The following CADM2 variants were observed in gnomAD, a reference collection of about 807,000 sequenced individuals.
CADM2 encodes the protein cell adhesion molecule 2, also known as immunoglobulin superfamily member 4D.
Under a neutral mutation model 49.8 loss-of-function variants are expected in CADM2, and 12 were observed. The observed-to-expected ratio is 0.24, with a 90% CI of 0.15 to 0.39. The LOEUF (loss-of-function observed/expected upper bound fraction) is 0.39, where lower values mean the gene tolerates loss of function less well. Among genes scored for constraint, CADM2 ranks in the 10% least tolerant of loss-of-function variants. The pLI, the probability that CADM2 is intolerant of heterozygous loss-of-function variation, is 1.00. For synonymous variants in CADM2, 214 were observed against 175.4 expected (o/e 1.22, Z -1.74); for missense variants, 378 against 492.3 (o/e 0.77, Z 2.20).
chr3:85,268,660 T>C (rs959345334), intron 1 of CADM2, among the ~76,000 whole-genome samples: 1 of 151,138 alleles, frequency 6.6e-6, no homozygotes, highest in African/African-American at 2.4e-5. Context: ...TTCAAAAAAA[T>C]GTAAGCAATT....
chr3:85,581,649 C>T (rs2062801816), intron 1 of CADM2, among the ~76,000 whole-genome samples: 1 of 151,904 alleles, frequency 6.6e-6, no homozygotes, highest in South Asian at 2.1e-4. Context: ...CACTTGAGAG[C>T]TTGCCCAATA....
chr3:85,509,738 A>C (rs2040525672), intron 1 of CADM2, among the ~76,000 whole-genome samples: 1 of 152,110 alleles, frequency 6.6e-6, no homozygotes, highest in African/African-American at 2.4e-5. Context: ...ACCGCTATAT[A>C]AATAGGTTTC....
At chr3:85,990,013 C>CAAAAAA (rs58178176) in intron 8 of CADM2, among the ~76,000 whole-genome samples, 97 of 9,644 alleles carry the variant, frequency 0.01, 4 homozygotes, top group African/African-American at 0.016. Flanking sequence ...ACTCCATGTC[C>CAAAAAA]AAAAAAAAAA....
At chr3:85,867,110 A>G (rs905008001) in intron 3 of CADM2, among the ~76,000 whole-genome samples, 2 of 152,182 alleles carry the variant, frequency 1.3e-5, no homozygotes, top group Non-Finnish European at 2.9e-5. Flanking sequence ...TTAGAAAGTT[A>G]GAGAAGTAAA....
intron 8 of CADM2, among the ~76,000 whole-genome samples, chr3:85,982,873 A>T (rs1044691722): frequency 1.3e-5 from 2 of 151,710 alleles, no homozygotes; most frequent in African/African-American, 4.8e-5. Context: ...AACTTGCAGC[A>T]TTTCTTTTTG....
At chr3:85,488,020 C>T (rs1284556718) in intron 1 of CADM2, among the ~76,000 whole-genome samples, 1 of 151,960 alleles carries the variant, frequency 6.6e-6, no homozygotes, top group Admixed American at 6.6e-5. Flanking sequence ...AAAGATATTA[C>T]CCAGAATATC....
intron 3 of CADM2, among the ~76,000 whole-genome samples, chr3:85,878,018 A>G (rs11127909): frequency 0.069 from 10,418 of 152,070 alleles, 663 homozygotes; most frequent in African/African-American, 0.16. Flanking sequence ...ATGACATCAT[A>G]AGTGTTTGTG....
At chr3:85,562,473 C>T in intron 1 of CADM2, among the ~76,000 whole-genome samples, 1 of 79,914 alleles carries the variant, frequency 1.3e-5, no homozygotes, top group Admixed American at 1.7e-4. Flanking sequence ...AGAGAAACTC[C>T]ATCTCAAAAA....
intron 1 of CADM2, among the ~76,000 whole-genome samples, chr3:85,492,774 C>A (rs2039728902): frequency 9.1e-6 from 1 of 109,490 alleles, no homozygotes; most frequent in Non-Finnish European, 2.1e-5. Flanking sequence ...AATGTATCTA[C>A]ATGTTAACAC....
chr3:85,807,494 C>T (rs1360082639), intron 3 of CADM2, among the ~76,000 whole-genome samples: 2 of 111,798 alleles, frequency 1.8e-5, no homozygotes, highest in African/African-American at 4.6e-5. Context: ...AGTGAAACTC[C>T]GTCTCAAAAA....
chr3:85,815,957 T>A (rs2073177686), intron 3 of CADM2, among the ~76,000 whole-genome samples: 1 of 152,160 alleles, frequency 6.6e-6, no homozygotes, highest in Admixed American at 6.6e-5. Flanking sequence ...ATTATTACTA[T>A]AATTCCTTAG....
chr3:85,414,801 T>G (rs2035841845), intron 1 of CADM2, among the ~76,000 whole-genome samples: 1 of 152,188 alleles, frequency 6.6e-6, no homozygotes, highest in African/African-American at 2.4e-5. Context: ...TTTCTGAAAC[T>G]TCCCTCTTTC....
At chr3:85,521,101 C>G (rs1409471941) in intron 1 of CADM2, among the ~76,000 whole-genome samples, 1 of 152,042 alleles carries the variant, frequency 6.6e-6, no homozygotes, top group Non-Finnish European at 1.5e-5. Flanking sequence ...TCGTCTTCAG[C>G]AAAGTAAAAA....
chr3:86,053,093 T>C (rs1238934491), intron 8 of CADM2, among the ~76,000 whole-genome samples: 1 of 152,174 alleles, frequency 6.6e-6, no homozygotes, highest in East Asian at 1.9e-4. Context: ...ATTCATGTTA[T>C]AAGAAATCAA....
chr3:85,783,541 C>T (rs1032604995), intron 2 of CADM2, among the ~76,000 whole-genome samples: 7 of 152,240 alleles, frequency 4.6e-5, no homozygotes, highest in East Asian at 1.9e-4. Flanking sequence ...GGAGAGTTGA[C>T]GCTTATCAAC....
intron 1 of CADM2, among the ~76,000 whole-genome samples, chr3:85,090,117 G>A (rs1481241422): frequency 2.0e-5 from 3 of 151,944 alleles, no homozygotes; most frequent in Admixed American, 1.3e-4. Flanking sequence ...CAAAAAAAAG[G>A]CGTATTTTGA....
chr3:85,106,866 T>C (rs1575879276), intron 1 of CADM2, among the ~76,000 whole-genome samples: 1 of 152,246 alleles, frequency 6.6e-6, no homozygotes, highest in South Asian at 2.1e-4. Flanking sequence ...TGGCCCATCA[T>C]AACAACTATT....
chr3:85,435,772 G>C (rs1158008784), intron 1 of CADM2, among the ~76,000 whole-genome samples: 1 of 152,138 alleles, frequency 6.6e-6, no homozygotes, highest in East Asian at 1.9e-4. Flanking sequence ...GACCAGTGAT[G>C]ATGAGCTTTT....
At chr3:86,057,270 CCT>C (rs1269119845) in intron 8 of CADM2, among the ~76,000 whole-genome samples, 2 of 151,986 alleles carry the variant, frequency 1.3e-5, no homozygotes, top group Admixed American at 6.6e-5. Context: ...CCATAGTGCC[CCT>C]CTTTCTGAAG....
Sources: gnomAD v4.1 joint callset for allele counts (sites outside exome capture counted in the v4.1 genomes callset) on GRCh38, gnomAD v4.1.1 for gene constraint, MANE v1.5 for transcripts, NCBI Gene and HGNC (gene_info 2026-07-23, HGNC 2026-07-21) for gene names.